The following NBAS variants were observed in gnomAD, a reference collection of about 807,000 sequenced individuals.
The protein encoded by NBAS is NAG/BC035112 fusion.
A neutral mutation model predicts 302.5 loss-of-function variants in NBAS; 219 were observed. The observed-to-expected ratio is 0.72, with a 90% CI of 0.65 to 0.81. The LOEUF (loss-of-function observed/expected upper bound fraction) is 0.81. Among genes scored for constraint, NBAS ranks in the 30% least tolerant of loss-of-function variants. The pLI, the probability that NBAS is intolerant of heterozygous loss-of-function variation, is 0.00. For synonymous variants in NBAS, 1,118 were observed against 1,021.6 expected (o/e 1.09, Z -1.80); for missense variants, 2,932 against 2,841.6 (o/e 1.03, Z -0.72).
At chr2:14,839,075 C>T in the NBAS span, among the ~76,000 whole-genome samples, 1 of 151,970 alleles carries the variant, frequency 6.6e-6, no homozygotes, top group Non-Finnish European at 1.5e-5. Flanking sequence ...TAGTAGCAAA[C>T]TGGCATCACT....
intron 32 of NBAS, among the ~76,000 whole-genome samples, chr2:15,360,669 T>A (rs1319812527): frequency 6.7e-6 from 1 of 148,556 alleles, no homozygotes; most frequent in African/African-American, 2.5e-5. Flanking sequence ...TTTTTTTTTT[T>A]AACTTTCTAA....
chr2:14,855,950 G>T, the NBAS span, among the ~76,000 whole-genome samples: 2 of 152,202 alleles, frequency 1.3e-5, no homozygotes, highest in Non-Finnish European at 2.9e-5. Context: ...AGTGGTTACA[G>T]CAGGTCTTGA....
At chr2:15,365,031 AT>A (rs1335378815) in intron 32 of NBAS, among the ~76,000 whole-genome samples, 1 of 152,156 alleles carries the variant, frequency 6.6e-6, no homozygotes, top group Non-Finnish European at 1.5e-5. Flanking sequence ...CGAGTCTTCT[AT>A]TATTTGTTTA....
At chr2:15,426,817 G>A (rs1228627447) in intron 22 of NBAS, among the ~76,000 whole-genome samples, 2 of 152,286 alleles carry the variant, frequency 1.3e-5, no homozygotes, top group East Asian at 3.9e-4. Flanking sequence ...AGCTCTGCAG[G>A]GGTGGCAGAA....
intron 51 of NBAS, among the ~76,000 whole-genome samples, chr2:15,176,116 G>C (rs892075195): frequency 6.6e-6 from 1 of 152,096 alleles, no homozygotes; most frequent in African/African-American, 2.4e-5. Context: ...GAAAGCAAAA[G>C]TTTTCTATTT....
At chr2:14,888,857 A>G in the NBAS span, among the ~76,000 whole-genome samples, 7 of 152,194 alleles carry the variant, frequency 4.6e-5, no homozygotes, top group African/African-American at 1.7e-4. Flanking sequence ...AAAGTGAGAA[A>G]GATTTGGAAG....
chr2:14,996,504 A>G, the NBAS span, among the ~76,000 whole-genome samples: 6 of 152,172 alleles, frequency 3.9e-5, no homozygotes, highest in Non-Finnish European at 8.8e-5. Context: ...ATCACGGGAC[A>G]TCTGCTTCTG....
intron 33 of NBAS, among the ~76,000 whole-genome samples, chr2:15,355,055 G>C (rs745810616): frequency 2.0e-5 from 3 of 152,116 alleles, no homozygotes; most frequent in African/African-American, 7.2e-5. Flanking sequence ...TATTGCAGTG[G>C]TCTTCATACA....
chr2:14,838,137 G>A, the NBAS span, among the ~76,000 whole-genome samples: 15 of 151,708 alleles, frequency 9.9e-5, no homozygotes, highest in Non-Finnish European at 1.6e-4. Context: ...ATTTATTCTG[G>A]AAAACTCTCA....
intron 32 of NBAS, among the ~76,000 whole-genome samples, chr2:15,357,606 C>T (rs1268150168): frequency 6.6e-6 from 1 of 152,112 alleles, no homozygotes; most frequent in Non-Finnish European, 1.5e-5. Flanking sequence ...CTCAAGTGAT[C>T]CCCATGCCTC....
At chr2:15,148,726 T>C in the NBAS span, among the ~76,000 whole-genome samples, 592 of 152,324 alleles carry the variant, frequency 3.9e-3, 3 homozygotes, top group African/African-American at 0.014. Flanking sequence ...ATATCGCAAG[T>C]ACACTGATGC....
At chr2:15,256,232 G>A (rs1668585644) in intron 44 of NBAS, among the ~76,000 whole-genome samples, 1 of 152,060 alleles carries the variant, frequency 6.6e-6, no homozygotes, top group African/African-American at 2.4e-5. Flanking sequence ...ATTTCTTTCA[G>A]CCGTGTGTTG....
intron 25 of NBAS, among the ~76,000 whole-genome samples, chr2:15,407,160 G>T (rs1676455287): frequency 6.6e-6 from 1 of 152,190 alleles, no homozygotes; most frequent in Non-Finnish European, 1.5e-5. Context: ...GTGAGACTAA[G>T]TAAGTTTTTA....
chr2:15,483,164 C>T (rs1680499047), intron 12 of NBAS: 1 of 156,248 alleles, frequency 6.4e-6, no homozygotes, highest in Non-Finnish European at 1.4e-5. Context: ...ATTTCAAAGG[C>T]TTATTCATTC....
chr2:15,245,653 G>A (rs986818082), intron 44 of NBAS, among the ~76,000 whole-genome samples: 9 of 151,996 alleles, frequency 5.9e-5, no homozygotes, highest in African/African-American at 1.5e-4. Flanking sequence ...ATGGACGGAC[G>A]GACGGACGGA....
chr2:14,780,428 A>T, the NBAS span, among the ~76,000 whole-genome samples: 1 of 152,238 alleles, frequency 6.6e-6, no homozygotes, highest in East Asian at 1.9e-4. Flanking sequence ...GATCATGCTC[A>T]GTCCCTTCTA....
chr2:15,341,511 T>C (rs903629172), intron 35 of NBAS, among the ~76,000 whole-genome samples: 2 of 152,184 alleles, frequency 1.3e-5, no homozygotes, highest in Non-Finnish European at 2.9e-5. Flanking sequence ...GAAAATGTCT[T>C]TTGCAAATGA....
intron 40 of NBAS, among the ~76,000 whole-genome samples, chr2:15,296,207 C>G (rs374235430): frequency 9.7e-4 from 148 of 152,242 alleles, no homozygotes; most frequent in African/African-American, 3.5e-3. Context: ...CAGGTGATCA[C>G]CTTTCTAAGA....
chr2:15,233,913 C>T (rs183208232), intron 46 of NBAS, among the ~76,000 whole-genome samples: 1 of 152,250 alleles, frequency 6.6e-6, no homozygotes, highest in African/African-American at 2.4e-5. Context: ...ATCTTTTAGC[C>T]TAATTGTATT....
Sources: gnomAD v4.1 joint callset for allele counts (sites outside exome capture counted in the v4.1 genomes callset) on GRCh38, gnomAD v4.1.1 for gene constraint, MANE v1.5 for transcripts, NCBI Gene and HGNC (gene_info 2026-07-23, HGNC 2026-07-21) for gene names.